The following OSBPL6 variants were observed in gnomAD, a reference collection of about 807,000 sequenced individuals.
The protein encoded by OSBPL6 is oxysterol-binding protein-related protein 6.
In OSBPL6, 49 loss-of-function variants were observed where a neutral mutation model predicts 125.8. That is an observed-to-expected ratio of 0.39 (90% CI 0.31 to 0.49). The LOEUF (loss-of-function observed/expected upper bound fraction) is 0.49. Among genes scored for constraint, OSBPL6 ranks in the 20% least tolerant of loss-of-function variants. OSBPL6 has a pLI of 0.88. For missense variants in OSBPL6, 986 were observed against 1,135.4 expected, an observed-to-expected ratio of 0.87 and a Z score of 1.89; for synonymous variants, 394 against 391.8, an observed-to-expected ratio of 1.01 and a Z score of -0.07.
rs987888745 is a variant in OSBPL6, at chr2:178,398,222, A to T, written c.*2663A>T. Reference sequence around the variant, plus strand: ...TAGAATATTAGATCATTCTCTTAATAAGACCTGATTTATTCCTTAGGATGT... The same window carrying T: ...TAGAATATTAGATCATTCTCTTAATTAGACCTGATTTATTCCTTAGGATGT... On this transcript the variant is annotated 3_prime_UTR_variant, in exon 25 of 25. Coordinates refer to ENST00000190611, the MANE Select transcript of OSBPL6 (RefSeq NM_032523.4). The T allele has an allele frequency of 6.6e-6, 1 of 152,230 alleles. No individual in the cohort carries two copies. The highest frequency in any genetic ancestry group is 6.5e-5 in the Admixed American group (1 of 15,284). 9.4% of individuals were successfully genotyped at this position (152,230 alleles called of 1,614,324 possible).
At chr2:178,352,505 C>T (rs1022635410) in intron 12 of OSBPL6, among the ~76,000 whole-genome samples, 1 of 152,164 alleles carries the variant, frequency 6.6e-6, no homozygotes, top group African/African-American at 2.4e-5. Flanking sequence ...AGTCTGAGAT[C>T]GAACTGCGAG....
At chr2:178,354,341 C>T (rs1691570931) in intron 12 of OSBPL6, among the ~76,000 whole-genome samples, 2 of 152,122 alleles carry the variant, frequency 1.3e-5, no homozygotes, top group African/African-American at 4.8e-5. Context: ...TCAGGAGACT[C>T]ATCTCAAGTG....
chr2:178,312,601 G>A (rs989705814), intron 3 of OSBPL6, among the ~76,000 whole-genome samples: 3 of 151,208 alleles, frequency 2.0e-5, no homozygotes, highest in Non-Finnish European at 2.9e-5. Flanking sequence ...GATTACAGGC[G>A]CCTGCCACCA....
chr2:178,365,743 C>G (rs892571723), intron 13 of OSBPL6, among the ~76,000 whole-genome samples: 5 of 152,200 alleles, frequency 3.3e-5, no homozygotes, highest in African/African-American at 1.2e-4. Flanking sequence ...ATATATAATT[C>G]TATTATTTAA....
At chr2:178,381,453 A>G (rs766706032) in intron 15 of OSBPL6, among the ~76,000 whole-genome samples, 1 of 152,128 alleles carries the variant, frequency 6.6e-6, no homozygotes, top group African/African-American at 2.4e-5. Flanking sequence ...TCCTGGGTTC[A>G]AGCGATTCTC....
At chr2:178,294,391 A>G (rs555552656) in intron 2 of OSBPL6, among the ~76,000 whole-genome samples, 2 of 152,316 alleles carry the variant, frequency 1.3e-5, no homozygotes, top group South Asian at 4.1e-4. Context: ...TGAGACAGTC[A>G]TCATCATTAC....
intron 1 of OSBPL6, among the ~76,000 whole-genome samples, chr2:178,254,147 A>AGG (rs2091798915): frequency 2.0e-5 from 3 of 152,018 alleles, no homozygotes; most frequent in Admixed American, 2.0e-4. Flanking sequence ...TAATCCCAAC[A>AGG]CTTTGGGAGG....
At chr2:178,272,963 G>T (rs2092401123) in intron 1 of OSBPL6, among the ~76,000 whole-genome samples, 1 of 152,220 alleles carries the variant, frequency 6.6e-6, no homozygotes, top group Admixed American at 6.5e-5. Flanking sequence ...CATAGGTGCT[G>T]AGTGAAAGTT....
intron 15 of OSBPL6, among the ~76,000 whole-genome samples, chr2:178,377,696 G>A (rs1200508285): frequency 2.0e-5 from 3 of 152,248 alleles, no homozygotes; most frequent in Admixed American, 1.3e-4. Flanking sequence ...AGCACTTCCC[G>A]CAGAGATCCA....
intron 1 of OSBPL6, among the ~76,000 whole-genome samples, chr2:178,245,942 C>T (rs969133382): frequency 1.3e-4 from 20 of 152,268 alleles, no homozygotes; most frequent in Non-Finnish European, 1.9e-4. Context: ...TGGATGGTGG[C>T]TTAAGAGTAT....
intron 8 of OSBPL6, among the ~76,000 whole-genome samples, chr2:178,333,466 G>A (rs7563849): frequency 0.031 from 4,683 of 152,182 alleles, 229 homozygotes; most frequent in African/African-American, 0.11. Context: ...CCAGAAAGAG[G>A]AGGTTTGCTT....
intron 2 of OSBPL6, among the ~76,000 whole-genome samples, chr2:178,288,727 C>T (rs1261270342): frequency 6.6e-6 from 1 of 151,682 alleles, no homozygotes; most frequent in African/African-American, 2.4e-5. Context: ...CAGCTCACTA[C>T]AACCTCTGCC....
intron 12 of OSBPL6, among the ~76,000 whole-genome samples, chr2:178,356,267 G>A (rs1166682584): frequency 2.0e-5 from 3 of 152,112 alleles, no homozygotes; most frequent in African/African-American, 7.2e-5. Flanking sequence ...GAAATAAAGG[G>A]TATTCAATTA....
chr2:178,389,396 AT>A (rs1402459105), intron 21 of OSBPL6, among the ~76,000 whole-genome samples: 1 of 152,204 alleles, frequency 6.6e-6, no homozygotes, highest in African/African-American at 2.4e-5. Flanking sequence ...TTTTTAAAGA[AT>A]TTTCTTTTGA....
At chr2:178,272,223 A>G (rs891151258) in intron 1 of OSBPL6, among the ~76,000 whole-genome samples, 2 of 152,182 alleles carry the variant, frequency 1.3e-5, no homozygotes, top group East Asian at 3.8e-4. Context: ...GCCAAGTGCC[A>G]TGTTAGGACT....
At chr2:178,314,255 C>T (rs1489127672) in intron 3 of OSBPL6, among the ~76,000 whole-genome samples, 2 of 152,200 alleles carry the variant, frequency 1.3e-5, no homozygotes, top group African/African-American at 4.8e-5. Context: ...GAAAGTCAAG[C>T]ATCCCTGATT....
At chr2:178,339,792 C>A in intron 11 of OSBPL6, 28 bp downstream of exon 11, 1 of 1,528,062 alleles carries the variant, frequency 6.5e-7, no homozygotes, top group Non-Finnish European at 8.9e-7. Flanking sequence ...CCTTCATTCA[C>A]GTTTCTACAT....
intron 4 of OSBPL6, among the ~76,000 whole-genome samples, chr2:178,326,479 G>GA (rs1422636649): frequency 1.3e-5 from 2 of 152,076 alleles, no homozygotes; most frequent in Non-Finnish European, 2.9e-5. Flanking sequence ...CTTTTAAACA[G>GA]AAAAAATATC....
intron 3 of OSBPL6, chr2:178,320,375 A>C (rs773882809): frequency 6.2e-7 from 1 of 1,613,302 alleles, no homozygotes; most frequent in Non-Finnish European, 8.5e-7. Flanking sequence ...TGCATCAGTT[A>C]TCTCTGATCA....
Sources: allele counts gnomAD v4.1 joint callset (sites outside exome capture counted in the v4.1 genomes callset), GRCh38; gene constraint gnomAD v4.1.1; transcripts MANE v1.5; gene names NCBI Gene and HGNC (gene_info 2026-07-23, HGNC 2026-07-21).